Variants in RNF217 observed in about 807,000 individuals in gnomAD.
The protein encoded by RNF217 is ring finger protein 217.
A neutral mutation model predicts 57.8 loss-of-function variants in RNF217; 31 were observed. That is an observed-to-expected ratio of 0.54 (90% confidence interval 0.40 to 0.72). The LOEUF is 0.72. Among genes scored for constraint, RNF217 ranks in the 30% least tolerant of loss-of-function variants. RNF217 has a pLI of 0.00. For missense variants in RNF217, 696 were observed against 708.3 expected (o/e 0.98, Z 0.20); for synonymous variants, 313 against 294.0 (o/e 1.06, Z -0.66).
chr6:124,997,566 G>A (rs1784800787), intron 1 of RNF217, among the ~76,000 whole-genome samples: 1 of 152,186 alleles, frequency 6.6e-6, no homozygotes, highest in African/African-American at 2.4e-5. Flanking sequence ...GCAAGTCAGA[G>A]TGGAAAGTGA....
At chr6:124,994,654 C>A (rs1434181063) in intron 1 of RNF217, among the ~76,000 whole-genome samples, 2 of 152,124 alleles carry the variant, frequency 1.3e-5, no homozygotes, top group African/African-American at 4.8e-5. Context: ...CTACAACCTG[C>A]TTTTTGTATA....
At chr6:125,079,560 T>G (rs2114650804) in intron 4 of RNF217, among the ~76,000 whole-genome samples, 1 of 152,190 alleles carries the variant, frequency 6.6e-6, no homozygotes, top group South Asian at 2.1e-4. Flanking sequence ...AGTCTCAAAA[T>G]GAGATACTTT....
chr6:125,075,019 A>G (rs149681395), intron 3 of RNF217, among the ~76,000 whole-genome samples: 14 of 152,336 alleles, frequency 9.2e-5, no homozygotes, highest in Non-Finnish European at 1.8e-4. Context: ...ATGAATAAAG[A>G]TGTGACTTGA....
At chr6:125,012,774 A>G (rs763458811) in intron 1 of RNF217, among the ~76,000 whole-genome samples, 25 of 152,042 alleles carry the variant, frequency 1.6e-4, no homozygotes, top group Non-Finnish European at 2.9e-4. Flanking sequence ...CTTTAATTTG[A>G]TTTGATTTTT....
intron 4 of RNF217, 127 bp downstream of exon 4, chr6:125,076,985 T>G: frequency 1.3e-6 from 1 of 780,730 alleles, no homozygotes; most frequent in Non-Finnish European, 2.1e-6. Flanking sequence ...GAGGATATTC[T>G]CTCACCCTTT....
intron 1 of RNF217, among the ~76,000 whole-genome samples, chr6:124,972,624 C>A (rs2114993040): frequency 6.6e-6 from 1 of 152,254 alleles, no homozygotes; most frequent in Admixed American, 6.5e-5. Context: ...TCTTTGAATG[C>A]TCCGTGACTC....
intron 1 of RNF217, among the ~76,000 whole-genome samples, chr6:125,007,183 C>T (rs1330724016): frequency 6.6e-6 from 1 of 151,576 alleles, no homozygotes; most frequent in Non-Finnish European, 1.5e-5. Flanking sequence ...GTATTGTTTA[C>T]ATCATTTTTT....
At chr6:125,049,669 A>G (rs1787235030) in intron 2 of RNF217, among the ~76,000 whole-genome samples, 1 of 132,366 alleles carries the variant, frequency 7.6e-6, no homozygotes, top group South Asian at 2.2e-4. Flanking sequence ...TTAGCACCAC[A>G]TATGACACAT....
At chr6:125,063,804 G>A in intron 3 of RNF217, among the ~76,000 whole-genome samples, 1 of 151,782 alleles carries the variant, frequency 6.6e-6, no homozygotes, top group East Asian at 1.9e-4. Flanking sequence ...TTTAAGTAAT[G>A]ACCAAAAAAG....
intron 1 of RNF217, among the ~76,000 whole-genome samples, chr6:124,987,067 A>T (rs2115031276): frequency 6.6e-6 from 1 of 152,296 alleles, no homozygotes; most frequent in Non-Finnish European, 1.5e-5. Flanking sequence ...ATGTATGCAC[A>T]TTCATAATTT....
At chr6:124,992,529 C>T (rs9372802) in intron 1 of RNF217, among the ~76,000 whole-genome samples, 37,149 of 151,882 alleles carry the variant, frequency 0.24, 4,899 homozygotes, top group East Asian at 0.4. Context: ...ATACTGGATT[C>T]GGTTAGCTTG....
intron 1 of RNF217, among the ~76,000 whole-genome samples, chr6:124,988,315 G>T (rs186304317): frequency 6.6e-6 from 1 of 152,084 alleles, no homozygotes; most frequent in Non-Finnish European, 1.5e-5. Context: ...GCAGTTTTTC[G>T]TATTCTGAAA....
chr6:124,989,907 C>G (rs146944345), intron 1 of RNF217, among the ~76,000 whole-genome samples: 15 of 151,474 alleles, frequency 9.9e-5, no homozygotes, highest in African/African-American at 3.6e-4. Flanking sequence ...ACAAAACCCC[C>G]CTTGTAGGGC....
rs1011516961 is a variant in RNF217, at chr6:125,084,143, T to C, written c.*1206T>C. 2 of 152,022 alleles carry C rather than the reference T, an allele frequency of 1.3e-5. No individual in the cohort carries two copies. Among genetic ancestry groups the C allele is most frequent in the African/African-American group, 4.8e-5 (2 of 41,438 alleles). The allele number at this position is 152,022 out of a possible 1,614,324, so 9.4% of individuals were successfully genotyped here. A position where few individuals can be genotyped will look rare whatever the true frequency, so the allele number is the denominator to read the frequency against. ...TTTCAAGGTTTTTCATAAAAACAAATACTAGTTTTGAAGGATTTTTTCTTA... is the reference window on the plus strand; with the variant it reads ...TTTCAAGGTTTTTCATAAAAACAAACACTAGTTTTGAAGGATTTTTTCTTA... On this transcript the variant is annotated 3_prime_UTR_variant, in exon 6 of 6. Coordinates refer to ENST00000521654, the MANE Select transcript of RNF217 (RefSeq NM_001286398.3).
chr6:124,997,726 G>T (rs867950217), intron 1 of RNF217, among the ~76,000 whole-genome samples: 1 of 152,192 alleles, frequency 6.6e-6, no homozygotes, highest in South Asian at 2.1e-4. Flanking sequence ...TAATCTGCTC[G>T]CTCTCTCTAC....
At chr6:125,057,271 G>A (rs1280959343) in intron 2 of RNF217, among the ~76,000 whole-genome samples, 1 of 152,082 alleles carries the variant, frequency 6.6e-6, no homozygotes. Flanking sequence ...CCGCCTCCTG[G>A]GTTCAAGTGA....
intron 1 of RNF217, among the ~76,000 whole-genome samples, chr6:125,025,057 G>T (rs934672175): frequency 6.6e-6 from 1 of 152,086 alleles, no homozygotes; most frequent in South Asian, 2.1e-4. Context: ...AGGATACAGG[G>T]GACAGAAAGA....
intron 1 of RNF217, among the ~76,000 whole-genome samples, chr6:124,998,326 G>T (rs1410922771): frequency 6.6e-6 from 1 of 152,032 alleles, no homozygotes; most frequent in African/African-American, 2.4e-5. Context: ...TTCTCTAACA[G>T]AGGTACAAAC....
chr6:125,031,481 A>G (rs1351533521), intron 1 of RNF217, among the ~76,000 whole-genome samples: 1 of 152,212 alleles, frequency 6.6e-6, no homozygotes, highest in Non-Finnish European at 1.5e-5. Context: ...TTTGCTGCTT[A>G]GAAATTTTTT....
Sources: gnomAD v4.1 joint callset for allele counts (sites outside exome capture counted in the v4.1 genomes callset) on GRCh38, gnomAD v4.1.1 for gene constraint, MANE v1.5 for transcripts, NCBI Gene and HGNC (gene_info 2026-07-23, HGNC 2026-07-21) for gene names.